The following LSAMP variants were observed in gnomAD, a reference collection of about 807,000 sequenced individuals.
The protein encoded by LSAMP is limbic system associated membrane protein.
Under a neutral mutation model 38.6 loss-of-function variants are expected in LSAMP, and 7 were observed. That is an observed-to-expected ratio of 0.18 (90% CI 0.10 to 0.34). The LOEUF is 0.34. LSAMP is among the 10% of genes least tolerant of loss of function. LSAMP has a pLI of 1.00. For missense variants in LSAMP, 313 were observed against 420.0 expected, an observed-to-expected ratio of 0.75 and a Z score of 2.23; for synonymous variants, 154 against 166.8, an observed-to-expected ratio of 0.92 and a Z score of 0.59.
intron 1 of LSAMP, among the ~76,000 whole-genome samples, chr3:116,434,890 A>C (rs1171509345): frequency 6.6e-6 from 1 of 152,096 alleles, no homozygotes; most frequent in Non-Finnish European, 1.5e-5. Flanking sequence ...TGAAGGATCG[A>C]GTGACATTTT....
At chr3:116,252,581 A>T (rs1281515067) in intron 1 of LSAMP, among the ~76,000 whole-genome samples, 1 of 152,022 alleles carries the variant, frequency 6.6e-6, no homozygotes, top group Non-Finnish European at 1.5e-5. Context: ...TCATTTGGAA[A>T]ATCTCTAGAG....
intron 1 of LSAMP, among the ~76,000 whole-genome samples, chr3:116,335,337 A>AT (rs1446592777): frequency 6.6e-6 from 1 of 152,068 alleles, no homozygotes; most frequent in African/African-American, 2.4e-5. Flanking sequence ...TCCTGATGTC[A>AT]TTTTTGCAGA....
chr3:116,281,932 T>C (rs1324600109), intron 1 of LSAMP, among the ~76,000 whole-genome samples: 1 of 152,216 alleles, frequency 6.6e-6, no homozygotes, highest in Non-Finnish European at 1.5e-5. Flanking sequence ...CATTAACAAC[T>C]TTTTAATTAA....
rs1710065576 is a variant in LSAMP at position 116,166,849 on chromosome 3, G to A, written c.156-80293C>T. 2.8e-5 allele frequency among the ~76,000 whole-genome samples: 4 copies of A among 140,356 alleles called. No individual in the cohort carries two copies. In the South Asian group the frequency reaches 9.0e-4, roughly 32 times the overall value. The allele number at this position is 140,356 out of a possible 152,430, so 92.1% of individuals were successfully genotyped here. ...TCTGTCACCCAGGCTGGAGTGCAGTGGCGCGATCTCAGCTCACTGCAAGCT... is the reference window on the plus strand; with the variant it reads ...TCTGTCACCCAGGCTGGAGTGCAGTAGCGCGATCTCAGCTCACTGCAAGCT... On this transcript the variant is annotated intron_variant, in intron 1 of 6. Transcript: ENST00000490035.
intron 1 of LSAMP, among the ~76,000 whole-genome samples, chr3:116,229,805 C>CT (rs1391921423): frequency 6.6e-6 from 1 of 152,148 alleles, no homozygotes; most frequent in East Asian, 1.9e-4. Context: ...GCCAGATTTT[C>CT]TTTTTCCCTA....
chr3:115,929,161 G>A (rs750888113), intron 3 of LSAMP, among the ~76,000 whole-genome samples: 7 of 151,762 alleles, frequency 4.6e-5, no homozygotes, highest in African/African-American at 2.4e-5. Context: ...AAATGCAATT[G>A]ATTAACTCTG....
At chr3:116,304,081 A>G (rs961403216) in intron 1 of LSAMP, among the ~76,000 whole-genome samples, 4 of 152,248 alleles carry the variant, frequency 2.6e-5, no homozygotes, top group East Asian at 1.9e-4. Context: ...TGCTAACTCA[A>G]CTTGGTCTGC....
At chr3:116,109,182 A>G (rs1708539429) in intron 1 of LSAMP, among the ~76,000 whole-genome samples, 1 of 152,150 alleles carries the variant, frequency 6.6e-6, no homozygotes, top group Admixed American at 6.5e-5. Flanking sequence ...AGGAGCATTA[A>G]CCTTGACTAT....
In LSAMP at chr3:116,399,239, G is replaced by T. The variant is rs111742917; in HGVS notation, c.155+45638C>A. Among the ~76,000 whole-genome samples the T allele has an allele frequency of 7.2e-5, 11 of 152,296 alleles. No individual in the cohort carries two copies. In the East Asian group the frequency reaches 2.1e-3, roughly 29 times the overall value. On this transcript the variant is annotated intron_variant, in intron 1 of 6. Coordinates refer to ENST00000490035, the MANE Select transcript of LSAMP (RefSeq NM_002338.5). The stretch of plus-strand genomic sequence containing the variant: ...AATAATGGGGAGCAATTAAATAATT[G>T]TAAGAAAAGCCGTGATATGATTAGA...
chr3:116,193,570 CA>C (rs1019680320), intron 1 of LSAMP, among the ~76,000 whole-genome samples: 1 of 151,806 alleles, frequency 6.6e-6, no homozygotes, highest in South Asian at 2.1e-4. Flanking sequence ...TACAAACAAA[CA>C]AAAAAAACAA....
At position 116,195,181 on chromosome 3, in the gene LSAMP, A is replaced by G. The variant is rs183520366; in HGVS notation, c.156-108625T>C. ...CAATCCCTTGACTCCAGTAACCCCA[A>G]TTCCCCTCCTTTGTCTCTCCAGTTG... On this transcript the variant is annotated intron_variant, in intron 1 of 6. Coordinates refer to ENST00000490035, the MANE Select transcript of LSAMP (RefSeq NM_002338.5). Among the ~76,000 whole-genome samples the G allele has an allele frequency of 2.5e-3, 376 of 152,182 alleles. 4 individuals carry two copies. The highest frequency in any genetic ancestry group is 6.8e-3 in the Middle Eastern group (2 of 294).
chr3:115,931,967 G>GT (rs537143664), intron 3 of LSAMP, among the ~76,000 whole-genome samples: 115 of 152,296 alleles, frequency 7.6e-4, no homozygotes, highest in African/African-American at 2.7e-3. Context: ...GCTGGGCGAT[G>GT]TGGGGGATTC....
At chr3:116,113,518 CG>C (rs1559748070) in intron 1 of LSAMP, among the ~76,000 whole-genome samples, 1 of 144,846 alleles carries the variant, frequency 6.9e-6, no homozygotes, top group Non-Finnish European at 1.5e-5. Context: ...CTCCGCCTCC[CG>C]GGTTCACGCC....
intron 1 of LSAMP, among the ~76,000 whole-genome samples, chr3:116,173,780 ATTTTTT>A (rs370992162): frequency 3.6e-5 from 1 of 27,522 alleles, no homozygotes; most frequent in South Asian, 2.3e-3. Context: ...AGGGGAAAAC[ATTTTTT>A]TTTTTTTTTT....
chr3:115,842,116 C>A, intron 5 of LSAMP, 123 bp from the exon 6 acceptor site: 1 of 978,444 alleles, frequency 1.0e-6, no homozygotes, highest in Non-Finnish European at 1.5e-6. Flanking sequence ...TTTGTTGTTC[C>A]ATGCCCAATT....
At chr3:116,308,060 C>T (rs528867129) in intron 1 of LSAMP, among the ~76,000 whole-genome samples, 1 of 151,924 alleles carries the variant, frequency 6.6e-6, no homozygotes, top group Non-Finnish European at 1.5e-5. Context: ...ATAAATGGTA[C>T]TATTTTTATT....
intron 1 of LSAMP, among the ~76,000 whole-genome samples, chr3:116,104,529 A>G (rs1406338957): frequency 6.6e-6 from 1 of 152,224 alleles, no homozygotes; most frequent in Non-Finnish European, 1.5e-5. Context: ...TGAAGAGATT[A>G]ACAACCTTGC....
intron 1 of LSAMP, among the ~76,000 whole-genome samples, chr3:116,220,449 G>A (rs1181826258): frequency 1.3e-5 from 2 of 151,754 alleles, no homozygotes; most frequent in African/African-American, 4.8e-5. Context: ...ACTTGGCTGG[G>A]GCAGCTGAAG....
At chr3:116,002,883 G>A (rs1940042824) in intron 3 of LSAMP, among the ~76,000 whole-genome samples, 1 of 152,150 alleles carries the variant, frequency 6.6e-6, no homozygotes, top group Admixed American at 6.5e-5. Context: ...TCTATTATGA[G>A]CAATGTTTGA....
Sources: gnomAD v4.1 joint callset for allele counts (sites outside exome capture counted in the v4.1 genomes callset) on GRCh38, gnomAD v4.1.1 for gene constraint, MANE v1.5 for transcripts, NCBI Gene and HGNC (gene_info 2026-07-23, HGNC 2026-07-21) for gene names.